The following COL25A1 variants were observed in gnomAD, a reference collection of about 807,000 sequenced individuals.
COL25A1 encodes collagen alpha-1(XXV) chain.
COL25A1 carries 103 observed loss-of-function variants against 128.4 expected under a neutral mutation model. The observed-to-expected ratio is 0.80, with a 90% CI of 0.68 to 0.94. COL25A1 has a LOEUF of 0.94. Among genes scored for constraint, COL25A1 ranks in the 40% least tolerant of loss-of-function variants. The pLI is 0.00. For synonymous variants in COL25A1, 279 were observed against 277.2 expected (o/e 1.01, Z -0.06); for missense variants, 745 against 840.0 (o/e 0.89, Z 1.40).
chr4:109,237,467 A>G (rs1205626471), intron 3 of COL25A1, among the ~76,000 whole-genome samples: 2 of 152,060 alleles, frequency 1.3e-5, no homozygotes, highest in Admixed American at 6.6e-5. Context: ...TTACAAGGGC[A>G]TAAACCTTCA....
At chr4:108,856,722 G>T (rs1736551182) in intron 24 of COL25A1, among the ~76,000 whole-genome samples, 2 of 152,048 alleles carry the variant, frequency 1.3e-5, no homozygotes, top group African/African-American at 4.8e-5. Flanking sequence ...GATGGATATT[G>T]GCTGTTTAGT....
chr4:108,915,512 A>G (rs1193984301), intron 13 of COL25A1, among the ~76,000 whole-genome samples: 2 of 152,178 alleles, frequency 1.3e-5, no homozygotes, highest in Non-Finnish European at 1.5e-5. Context: ...GTGTTTTCTT[A>G]AAATAGTATA....
At chr4:108,920,822 T>G (rs1745415049) in intron 11 of COL25A1, among the ~76,000 whole-genome samples, 1 of 152,222 alleles carries the variant, frequency 6.6e-6, no homozygotes, top group Non-Finnish European at 1.5e-5. Flanking sequence ...TGCAGCAGGA[T>G]TCTGATTTCT....
chr4:108,933,859 C>CACAA (rs138658935), intron 11 of COL25A1, among the ~76,000 whole-genome samples: 2 of 151,502 alleles, frequency 1.3e-5, no homozygotes, highest in Non-Finnish European at 2.9e-5. Context: ...CAGACACACA[C>CACAA]ACACACACAC....
intron 3 of COL25A1, among the ~76,000 whole-genome samples, chr4:109,138,691 TTTTTG>T (rs1404534539): frequency 2.0e-5 from 3 of 148,564 alleles, no homozygotes; most frequent in Non-Finnish European, 4.5e-5. Flanking sequence ...TTTGTTTTTG[TTTTTG>T]TTTTTTGTTT....
intron 5 of COL25A1, among the ~76,000 whole-genome samples, chr4:109,017,265 T>C (rs1757313223): frequency 6.6e-6 from 1 of 152,228 alleles, no homozygotes; most frequent in African/African-American, 2.4e-5. Flanking sequence ...GGCTGGACCC[T>C]GGGCTCACTC....
chr4:109,060,808 T>C (rs1048339941), intron 3 of COL25A1, among the ~76,000 whole-genome samples: 1 of 152,190 alleles, frequency 6.6e-6, no homozygotes, highest in African/African-American at 2.4e-5. Flanking sequence ...GGCAATTTTT[T>C]AGTCCTTCCC....
intron 3 of COL25A1, among the ~76,000 whole-genome samples, chr4:109,128,467 T>A (rs938361311): frequency 6.6e-6 from 1 of 152,206 alleles, no homozygotes; most frequent in African/African-American, 2.4e-5. Flanking sequence ...GAGCTCTTCC[T>A]CCTTTTTAGG....
intron 13 of COL25A1, among the ~76,000 whole-genome samples, chr4:108,909,930 GCTC>G (rs906530007): frequency 2.5e-4 from 38 of 152,176 alleles, no homozygotes; most frequent in Admixed American, 2.0e-4. Context: ...CCTGCTCATA[GCTC>G]CTCGTCAACA....
intron 3 of COL25A1, among the ~76,000 whole-genome samples, chr4:109,179,667 C>T (rs945908227): frequency 6.6e-6 from 1 of 152,136 alleles, no homozygotes; most frequent in Non-Finnish European, 1.5e-5. Flanking sequence ...TCAGATCTTC[C>T]ACAAAACCAA....
intron 8 of COL25A1, among the ~76,000 whole-genome samples, chr4:108,968,790 C>T (rs999962706): frequency 2.6e-5 from 4 of 152,164 alleles, no homozygotes; most frequent in Non-Finnish European, 4.4e-5. Flanking sequence ...TGAAATATCT[C>T]ATCAAGATCA....
chr4:109,212,912 A>G (rs1413934471), intron 3 of COL25A1, among the ~76,000 whole-genome samples: 1 of 152,174 alleles, frequency 6.6e-6, no homozygotes, highest in Non-Finnish European at 1.5e-5. Flanking sequence ...TATAAGAATT[A>G]GTGACATAGG....
intron 16 of COL25A1, among the ~76,000 whole-genome samples, chr4:108,893,032 A>T (rs1482772588): frequency 6.6e-6 from 1 of 152,178 alleles, no homozygotes; most frequent in Non-Finnish European, 1.5e-5. Flanking sequence ...GATTTTATGA[A>T]AAGAAGACAG....
intron 3 of COL25A1, among the ~76,000 whole-genome samples, chr4:109,248,868 C>A (rs1188561478): frequency 6.6e-6 from 1 of 152,174 alleles, no homozygotes; most frequent in Non-Finnish European, 1.5e-5. Flanking sequence ...AAGCACTACT[C>A]AAGCCAGCTC....
At chr4:109,263,811 G>A (rs2126257625) in intron 3 of COL25A1, among the ~76,000 whole-genome samples, 1 of 152,264 alleles carries the variant, frequency 6.6e-6, no homozygotes, top group South Asian at 2.1e-4. Context: ...TCAGCAAAAT[G>A]ACATAAAAGA....
intron 15 of COL25A1, 66 bp from the exon 16 acceptor site, chr4:108,896,777 T>C (rs1027877095): frequency 1.4e-6 from 2 of 1,400,568 alleles, no homozygotes; most frequent in Non-Finnish European, 2.0e-6. Flanking sequence ...ATATTTTTCA[T>C]TATTTTAAGC....
chr4:108,918,248 A>C, intron 12 of COL25A1, 32 bp from the exon 13 acceptor site: 1 of 1,470,956 alleles, frequency 6.8e-7, no homozygotes. Flanking sequence ...TTCAGTTGAT[A>C]TCATACACAA....
At chr4:108,995,708 C>T (rs949848242) in intron 6 of COL25A1, among the ~76,000 whole-genome samples, 2 of 152,276 alleles carry the variant, frequency 1.3e-5, no homozygotes, top group African/African-American at 4.8e-5. Context: ...ATGTTAAGGG[C>T]AGCCAGAGAG....
At chr4:109,297,265 T>C (rs1218186546) in intron 3 of COL25A1, among the ~76,000 whole-genome samples, 1 of 152,152 alleles carries the variant, frequency 6.6e-6, no homozygotes, top group Non-Finnish European at 1.5e-5. Context: ...CCAACTCTAT[T>C]AATCTGTTTT....
Sources: allele counts gnomAD v4.1 joint callset (sites outside exome capture counted in the v4.1 genomes callset), GRCh38; gene constraint gnomAD v4.1.1; transcripts MANE v1.5; gene names NCBI Gene and HGNC (gene_info 2026-07-23, HGNC 2026-07-21).